Variants in IDE observed in about 807,000 individuals in gnomAD.
IDE encodes the protein insulin degrading enzyme, also known as insulin-degrading enzyme.
Under a neutral mutation model 133.2 loss-of-function variants are expected in IDE, and 58 were observed. The ratio of observed to expected loss-of-function variants is 0.44; its 90% CI spans 0.35 to 0.54. The LOEUF (loss-of-function observed/expected upper bound fraction) is 0.54. Among genes scored for constraint, IDE ranks in the 20% least tolerant of loss-of-function variants. The pLI, the probability that IDE is intolerant of heterozygous loss-of-function variation, is 0.00. For missense variants in IDE, 981 were observed against 1,234.0 expected, an observed-to-expected ratio of 0.79 and a Z score of 3.07; for synonymous variants, 396 against 421.3, an observed-to-expected ratio of 0.94 and a Z score of 0.73.
intron 22 of IDE, among the ~76,000 whole-genome samples, chr10:92,458,579 G>A (rs936571889): frequency 1.5e-5 from 2 of 136,184 alleles, no homozygotes; most frequent in African/African-American, 2.8e-5. Flanking sequence ...TTGGCTCACT[G>A]CAACCTCCAC....
At chr10:92,540,487 A>G (rs1231768976) in intron 1 of IDE, among the ~76,000 whole-genome samples, 1 of 152,236 alleles carries the variant, frequency 6.6e-6, no homozygotes, top group African/African-American at 2.4e-5. Context: ...GGCAGTGTTA[A>G]TAAGAACCTC....
chr10:92,491,480 G>A (rs1847337867), intron 11 of IDE, among the ~76,000 whole-genome samples: 1 of 152,084 alleles, frequency 6.6e-6, no homozygotes, highest in South Asian at 2.1e-4. Context: ...TGCTACTAGG[G>A]GAGAAAGGGA....
At chr10:92,528,958 T>C (rs1849772974) in intron 4 of IDE, among the ~76,000 whole-genome samples, 1 of 151,994 alleles carries the variant, frequency 6.6e-6, no homozygotes, top group African/African-American at 2.4e-5. Context: ...GTGCCCGTAA[T>C]CCCAGCTACT....
At chr10:92,461,396 C>T in intron 21 of IDE, 144 bp from the exon 22 acceptor site, 2 of 482,714 alleles carry the variant, frequency 4.1e-6, no homozygotes, top group African/African-American at 2.0e-5. Context: ...ACTCTGTCAC[C>T]CACGCTGGAG....
At chr10:92,473,702 C>T (rs977955923) in intron 17 of IDE, among the ~76,000 whole-genome samples, 4 of 151,944 alleles carry the variant, frequency 2.6e-5, no homozygotes, top group Admixed American at 6.6e-5. Context: ...CAATATTGGC[C>T]GGTCGCGGTG....
At chr10:92,511,242 C>T (rs1433557432) in intron 5 of IDE, among the ~76,000 whole-genome samples, 2 of 151,796 alleles carry the variant, frequency 1.3e-5, no homozygotes, top group Non-Finnish European at 2.9e-5. Flanking sequence ...GCTGGGATTA[C>T]AGGCGTGTGC....
At chr10:92,479,750 GC>G (rs1846500304) in intron 14 of IDE, 1 of 201,984 alleles carries the variant, frequency 5.0e-6, no homozygotes, top group South Asian at 1.2e-4. Flanking sequence ...GTGGGAACGG[GC>G]CAAAATGCAT....
At chr10:92,548,725 G>A (rs1842648311) in intron 1 of IDE, among the ~76,000 whole-genome samples, 1 of 152,132 alleles carries the variant, frequency 6.6e-6, no homozygotes, top group South Asian at 2.1e-4. Context: ...CTGATAATAG[G>A]ATTATACTTT....
chr10:92,469,434 CT>C (rs768111694), intron 18 of IDE, among the ~76,000 whole-genome samples: 138 of 144,078 alleles, frequency 9.6e-4, no homozygotes, highest in Middle Eastern at 3.6e-3. Context: ...GGGATCTTTT[CT>C]TTTTTTTTTT....
intron 1 of IDE, among the ~76,000 whole-genome samples, chr10:92,565,108 G>A (rs189869296): frequency 4.0e-5 from 6 of 151,806 alleles, no homozygotes; most frequent in East Asian, 1.9e-4. Context: ...ATTAGCCGGC[G>A]TGGTAGCGGG....
chr10:92,476,641 T>C (rs955027699), intron 15 of IDE, among the ~76,000 whole-genome samples: 1 of 152,080 alleles, frequency 6.6e-6, no homozygotes, highest in African/African-American at 2.4e-5. Flanking sequence ...ACAATCTCTA[T>C]ACCCAAAAGC....
intron 17 of IDE, among the ~76,000 whole-genome samples, chr10:92,471,422 G>T (rs1284844999): frequency 6.6e-6 from 1 of 152,204 alleles, no homozygotes; most frequent in Non-Finnish European, 1.5e-5. Flanking sequence ...CCACTTTAAA[G>T]ATAGGAAAAT....
chr10:92,525,499 CT>C (rs1849574916), intron 4 of IDE, among the ~76,000 whole-genome samples: 1 of 152,154 alleles, frequency 6.6e-6, no homozygotes, highest in African/African-American at 2.4e-5. Flanking sequence ...AGCATCCCCA[CT>C]TTTACCACTT....
At chr10:92,573,785 G>C (rs931061772) in intron 1 of IDE, 137 bp downstream of exon 1, 3 of 628,532 alleles carry the variant, frequency 4.8e-6, no homozygotes, top group Non-Finnish European at 7.5e-6. Flanking sequence ...GCGGCAGTAC[G>C]GGCCCCAGGC....
chr10:92,472,727 C>T (rs1846030643), intron 17 of IDE, among the ~76,000 whole-genome samples: 1 of 150,818 alleles, frequency 6.6e-6, no homozygotes, highest in African/African-American at 2.4e-5. Context: ...CAACCTCTGC[C>T]TCCTGGGTTC....
At chr10:92,501,499 GTC>G in intron 11 of IDE, among the ~76,000 whole-genome samples, 1 of 145,992 alleles carries the variant, frequency 6.8e-6, no homozygotes, top group East Asian at 2.1e-4. Context: ...GTGAAACCCT[GTC>G]TCTACTAAAA....
In IDE at chr10:92,497,832, TA is replaced by T. The variant is rs1303036957; in HGVS notation, c.1430+6961del. 4 of 254,222 alleles carry T rather than the reference TA, an allele frequency of 1.6e-5. No individual in the cohort carries two copies. In the East Asian group the frequency reaches 5.3e-4, roughly 34 times the overall value. 15.7% of individuals were successfully genotyped at this position (254,222 alleles called of 1,614,324 possible). On this transcript the variant is annotated intron_variant, in intron 11 of 24. Transcript: ENST00000265986. ...CTTTAAATGTGAGAGTAAAAAGAGGTATTTAATTGCATAAGATATCAAATTT... is the reference window on the plus strand; with the variant it reads ...CTTTAAATGTGAGAGTAAAAAGAGGTTTTAATTGCATAAGATATCAAATTT...
chr10:92,572,973 T>C (rs775712889), intron 1 of IDE: 4 of 985,272 alleles, frequency 4.1e-6, no homozygotes, highest in Non-Finnish European at 4.8e-6. Context: ...CAAAGTTCCT[T>C]GGAAGGCAGA....
intron 1 of IDE, among the ~76,000 whole-genome samples, chr10:92,552,041 C>G (rs1029425600): frequency 1.3e-5 from 2 of 151,968 alleles, no homozygotes; most frequent in African/African-American, 4.8e-5. Flanking sequence ...TAAAACCAAC[C>G]ATGATGGGGG....
Sources: gnomAD v4.1 joint callset for allele counts (sites outside exome capture counted in the v4.1 genomes callset) on GRCh38, gnomAD v4.1.1 for gene constraint, MANE v1.5 for transcripts, NCBI Gene and HGNC (gene_info 2026-07-23, HGNC 2026-07-21) for gene names.